Variants in SCP2 observed in about 807,000 individuals in gnomAD.
SCP2 encodes sterol carrier protein 2.
Under a neutral mutation model 71.4 loss-of-function variants are expected in SCP2, and 48 were observed. The observed-to-expected ratio is 0.67, with a 90% CI of 0.53 to 0.86. SCP2 has a LOEUF of 0.86. Among genes scored for constraint, SCP2 ranks in the 40% least tolerant of loss-of-function variants. The pLI, the probability that SCP2 is intolerant of heterozygous loss-of-function variation, is 0.00. For synonymous variants in SCP2, 220 were observed against 218.1 expected (o/e 1.01, Z -0.08); for missense variants, 560 against 655.6 (o/e 0.85, Z 1.59).
intron 14 of SCP2, among the ~76,000 whole-genome samples, chr1:53,047,376 A>G (rs1376591107): frequency 6.6e-6 from 1 of 152,224 alleles, no homozygotes; most frequent in Admixed American, 6.5e-5. Context: ...AAGGAAGGGG[A>G]TGTACACCAG....
intron 11 of SCP2, among the ~76,000 whole-genome samples, chr1:53,003,046 C>G (rs1660416543): frequency 1.3e-5 from 2 of 152,114 alleles, no homozygotes; most frequent in Non-Finnish European, 2.9e-5. Flanking sequence ...ATCCTTGTTT[C>G]CATTGCCCAG....
intron 11 of SCP2, among the ~76,000 whole-genome samples, chr1:53,007,838 G>A (rs1660727893): frequency 6.6e-6 from 1 of 152,066 alleles, no homozygotes; most frequent in Non-Finnish European, 1.5e-5. Context: ...ATGAATCCAG[G>A]AGCTGGTTTT....
intron 10 of SCP2, among the ~76,000 whole-genome samples, chr1:52,984,027 T>G (rs4288541): frequency 6.6e-6 from 1 of 152,062 alleles, no homozygotes; most frequent in East Asian, 1.9e-4. Flanking sequence ...GCTCTCTAAA[T>G]GTATGCCTAC....
chr1:52,965,642 T>C (rs957518084), intron 6 of SCP2, among the ~76,000 whole-genome samples: 2 of 152,134 alleles, frequency 1.3e-5, no homozygotes, highest in Non-Finnish European at 2.9e-5. Flanking sequence ...TACTGATTTT[T>C]TTTTCCCCCC....
In SCP2 at chr1:52,976,662, T is replaced by G. The variant is rs758256098; in HGVS notation, c.588-21T>G. On this transcript the variant is annotated intron_variant, in intron 7 of 15. Transcript: ENST00000371514. ...CAGTTGCTATCTCACATTCTGTAACTAATATTTATTTTGTATTTAGGTATT... is the reference window on the plus strand; with the variant it reads ...CAGTTGCTATCTCACATTCTGTAACGAATATTTATTTTGTATTTAGGTATT... 5.0e-5 allele frequency: 60 copies of G among 1,188,342 alleles called. 4 individuals are homozygous for G. The South Asian group carries it at 6.1e-4, about 12-fold the overall frequency. 73.6% of individuals were successfully genotyped at this position (1,188,342 alleles called of 1,614,324 possible).
intron 11 of SCP2, among the ~76,000 whole-genome samples, chr1:52,989,012 A>G (rs1659239011): frequency 6.6e-6 from 1 of 152,114 alleles, no homozygotes; most frequent in Admixed American, 6.6e-5. Flanking sequence ...TTAATATATC[A>G]CAGTCTACCT....
At chr1:53,033,292 T>G (rs1662680749) in intron 13 of SCP2, among the ~76,000 whole-genome samples, 1 of 152,212 alleles carries the variant, frequency 6.6e-6, no homozygotes, top group Admixed American at 6.5e-5. Flanking sequence ...TCTCAGGGAA[T>G]GTACCTATAT....
chr1:52,936,229 T>C (rs888653991), intron 1 of SCP2, among the ~76,000 whole-genome samples: 1 of 152,246 alleles, frequency 6.6e-6, no homozygotes, highest in Non-Finnish European at 1.5e-5. Flanking sequence ...GGAAAATCTT[T>C]TAAAATGTCT....
At chr1:53,004,533 C>G (rs1660505547) in intron 11 of SCP2, among the ~76,000 whole-genome samples, 1 of 152,170 alleles carries the variant, frequency 6.6e-6, no homozygotes, top group African/African-American at 2.4e-5. Flanking sequence ...TGTTCCTGCC[C>G]CACTCTAACT....
intron 11 of SCP2, among the ~76,000 whole-genome samples, chr1:52,997,703 A>T (rs1660033042): frequency 6.6e-6 from 1 of 152,222 alleles, no homozygotes; most frequent in African/African-American, 2.4e-5. Context: ...CCTAAAATTG[A>T]TTGTGGTGCT....
intron 12 of SCP2, among the ~76,000 whole-genome samples, chr1:53,021,886 C>T (rs1661772846): frequency 6.6e-6 from 1 of 152,094 alleles, no homozygotes; most frequent in Middle Eastern, 3.2e-3. Context: ...CTCATGTGAT[C>T]CACCTGCCTT....
chr1:52,952,013 G>A (rs1655363865), intron 4 of SCP2, among the ~76,000 whole-genome samples: 1 of 152,046 alleles, frequency 6.6e-6, no homozygotes, highest in Non-Finnish European at 1.5e-5. Context: ...CTCACAAAGT[G>A]AGGTGTGAGG....
At chr1:53,034,652 A>C (rs2150255091) in intron 13 of SCP2, among the ~76,000 whole-genome samples, 1 of 152,350 alleles carries the variant, frequency 6.6e-6, no homozygotes, top group East Asian at 1.9e-4. Context: ...CAACAAAAAG[A>C]AATAGTGAAC....
At chr1:52,942,144 C>T (rs1654314211) in intron 2 of SCP2, among the ~76,000 whole-genome samples, 1 of 152,144 alleles carries the variant, frequency 6.6e-6, no homozygotes, top group Non-Finnish European at 1.5e-5. Context: ...GGGATAACAT[C>T]ATTCTAGTGT....
chr1:52,992,112 T>G (rs557361559), intron 11 of SCP2, among the ~76,000 whole-genome samples: 49 of 152,352 alleles, frequency 3.2e-4, no homozygotes, highest in African/African-American at 1.1e-3. Context: ...TGAGTAGATG[T>G]GTGACTGGCC....
chr1:52,954,653 A>T, intron 4 of SCP2, 87 bp from the exon 5 acceptor site: 1 of 1,077,184 alleles, frequency 9.3e-7, no homozygotes. Flanking sequence ...TGCTCACTTG[A>T]CGTACTTATT....
intron 11 of SCP2, among the ~76,000 whole-genome samples, chr1:53,011,633 C>T (rs186796409): frequency 7.9e-5 from 12 of 152,190 alleles, no homozygotes; most frequent in African/African-American, 2.9e-4. Flanking sequence ...CTTGGACTTG[C>T]ATTTGGCATC....
rs761834695 is a variant in SCP2, at chr1:53,038,908, T to C, written c.1339-9T>C. 3 of 1,613,852 alleles carry C rather than the reference T, an allele frequency of 1.9e-6. No homozygotes were observed. The highest frequency in any genetic ancestry group is 2.5e-6 in the Non-Finnish European group (3 of 1,180,000). Reference sequence around the variant, plus strand: ...CTTAATGTAACCCCAGTGTTATTTTTCTTTCCAGGAAGGGGAACAGTTTGT... The same window carrying C: ...CTTAATGTAACCCCAGTGTTATTTTCCTTTCCAGGAAGGGGAACAGTTTGT... On this transcript the variant is annotated splice_polypyrimidine_tract_variant and intron_variant, in intron 13 of 15. Transcript: ENST00000371514.
At chr1:52,928,024 C>T (rs1035776368) in intron 1 of SCP2, among the ~76,000 whole-genome samples, 35 of 152,230 alleles carry the variant, frequency 2.3e-4, no homozygotes, top group African/African-American at 8.2e-4. Context: ...CCTTTCGTTT[C>T]TCCCCGGACG....
Sources: gnomAD v4.1 joint callset for allele counts (sites outside exome capture counted in the v4.1 genomes callset) on GRCh38, gnomAD v4.1.1 for gene constraint, MANE v1.5 for transcripts, NCBI Gene and HGNC (gene_info 2026-07-23, HGNC 2026-07-21) for gene names.